BMP7: variants seen among roughly 807,000 people sequenced by gnomAD.
The protein encoded by BMP7 is osteogenic protein 1.
A neutral mutation model predicts 41.2 loss-of-function variants in BMP7; 12 were observed. The observed-to-expected ratio is 0.29, with a 90% CI of 0.19 to 0.47. BMP7 has a LOEUF of 0.47. BMP7 is among the 20% of genes least tolerant of loss of function. BMP7 has a pLI of 0.99. For synonymous variants in BMP7, 248 were observed against 250.0 expected (o/e 0.99, Z 0.07); for missense variants, 467 against 606.0 (o/e 0.77, Z 2.41).
At chr20:57,229,356 T>G (rs1402647066) in intron 1 of BMP7, among the ~76,000 whole-genome samples, 1 of 152,232 alleles carries the variant, frequency 6.6e-6, no homozygotes, top group Admixed American at 6.5e-5. Context: ...GGGTGGAGGT[T>G]GAACGTGACT....
chr20:57,197,865 G>A lies in BMP7; in HGVS notation c.760+4610C>T, dbSNP rs541217627. Among the ~76,000 whole-genome samples, 10 of 152,332 alleles carry A rather than the reference G, an allele frequency of 6.6e-5. No homozygotes were observed. The South Asian group carries it at 1.9e-3, about 28-fold the overall frequency. The stretch of plus-strand genomic sequence containing the variant: ...ACCACACAAAGGTGACTGAGGAGCT[G>A]TGCTATGACAGGGGCAGGGGTGCCA... On this transcript the variant is annotated intron_variant, in intron 3 of 6. Coordinates refer to ENST00000395863, the MANE Select transcript of BMP7 (RefSeq NM_001719.3).
Position 57,259,651 on chromosome 20 carries a change from G to A in BMP7, c.418+6054C>T, listed in dbSNP as rs150200190. Reference sequence around the variant, plus strand: ...CCACGCGGATCAGCACAGGCTTTGCGCGGCTCCCCACAATGCCTTCCGACA... The same window carrying A: ...CCACGCGGATCAGCACAGGCTTTGCACGGCTCCCCACAATGCCTTCCGACA... On this transcript the variant is annotated intron_variant, in intron 1 of 6. Transcript: ENST00000395863. This position sits in a 1 kb window ranked among gnomAD's most constrained non-coding sequence, Gnocchi z 4.7. 5.3e-4 allele frequency among the ~76,000 whole-genome samples: 81 copies of A among 152,296 alleles called. 1 individual carries two copies. The East Asian group carries it at 0.014, about 26-fold the overall frequency.
intron 1 of BMP7, among the ~76,000 whole-genome samples, chr20:57,238,842 A>C (rs2123127282): frequency 6.6e-6 from 1 of 152,234 alleles, no homozygotes; most frequent in South Asian, 2.1e-4. Context: ...CCCCTGATAA[A>C]CCCATCAGAT....
intron 3 of BMP7, among the ~76,000 whole-genome samples, chr20:57,192,672 G>A (rs1390489852): frequency 6.6e-6 from 1 of 151,174 alleles, no homozygotes; most frequent in African/African-American, 2.4e-5. Flanking sequence ...CTGTATCTTT[G>A]AGAAAGTTTG....
intron 3 of BMP7, among the ~76,000 whole-genome samples, chr20:57,200,462 G>C (rs901560130): frequency 2.0e-5 from 3 of 152,162 alleles, no homozygotes; most frequent in Non-Finnish European, 2.9e-5. Flanking sequence ...ACTGTGTCTG[G>C]GGGGAATGAT....
intron 2 of BMP7, among the ~76,000 whole-genome samples, chr20:57,212,154 A>C (rs1984904130): frequency 6.6e-6 from 1 of 152,214 alleles, no homozygotes; most frequent in Non-Finnish European, 1.5e-5. Context: ...TGGGTGAGCA[A>C]GACAAAAGAA....
intron 3 of BMP7, among the ~76,000 whole-genome samples, chr20:57,188,720 C>T (rs576018083): frequency 3.3e-5 from 5 of 152,196 alleles, no homozygotes; most frequent in South Asian, 2.1e-4. Context: ...GGATGCCTAC[C>T]GCAGTGTCTG....
intron 2 of BMP7, among the ~76,000 whole-genome samples, chr20:57,223,749 CCACAGGGTGG>C (rs1437093440): frequency 1.6e-4 from 25 of 152,368 alleles, no homozygotes; most frequent in African/African-American, 6.0e-4. Context: ...GAAGCCTCAA[CCACAGGGTGG>C]AGACATGCTC....
intron 1 of BMP7, among the ~76,000 whole-genome samples, chr20:57,258,628 T>C (rs112360534): frequency 8.4e-4 from 128 of 152,320 alleles, no homozygotes; most frequent in African/African-American, 3.0e-3. Context: ...GTTTCCCAAG[T>C]AGTAAAATCA....
At chr20:57,264,306 A>T (rs1206183931) in intron 1 of BMP7, among the ~76,000 whole-genome samples, 2 of 152,062 alleles carry the variant, frequency 1.3e-5, no homozygotes, top group East Asian at 3.9e-4. Context: ...CATTATTTCC[A>T]TGTTGACACA....
At chr20:57,253,797 A>G (rs1407586505) in intron 1 of BMP7, among the ~76,000 whole-genome samples, 1 of 152,194 alleles carries the variant, frequency 6.6e-6, no homozygotes, top group Non-Finnish European at 1.5e-5. Flanking sequence ...TTGCAAAGCT[A>G]GTACAGAGAA....
intron 3 of BMP7, among the ~76,000 whole-genome samples, chr20:57,201,189 T>A (rs60232310): frequency 0.04 from 6,026 of 152,292 alleles, 428 homozygotes; most frequent in African/African-American, 0.14. Context: ...GCACTATTTT[T>A]AAAAACTCTT....
chr20:57,233,832 G>A lies in BMP7; in HGVS notation c.419-5411C>T, dbSNP rs138620392. ...CTGCAGTATTCAGAGCCGTGGGACAGTATTTAACACCCTAAAAATTAGGGG... is the reference window on the plus strand; with the variant it reads ...CTGCAGTATTCAGAGCCGTGGGACAATATTTAACACCCTAAAAATTAGGGG... On this transcript the variant is annotated intron_variant, in intron 1 of 6. Coordinates refer to ENST00000395863, the MANE Select transcript of BMP7 (RefSeq NM_001719.3). Among the ~76,000 whole-genome samples the A allele has an allele frequency of 1.9e-3, 292 of 152,260 alleles. 2 individuals are homozygous for A. Among genetic ancestry groups the A allele is most frequent in the African/African-American group, 5.9e-3 (244 of 41,564 alleles).
intron 2 of BMP7, among the ~76,000 whole-genome samples, chr20:57,209,703 T>C (rs1984835412): frequency 6.6e-6 from 1 of 152,234 alleles, no homozygotes; most frequent in South Asian, 2.1e-4. Context: ...GGTGCCATTA[T>C]GTTAACAATT....
At chr20:57,183,687 G>A (rs1984141132) in intron 4 of BMP7, 35 bp downstream of exon 4, 2 of 1,612,246 alleles carry the variant, frequency 1.2e-6, no homozygotes, top group South Asian at 1.1e-5. Context: ...CTGGGTTCCT[G>A]TGGTGGGTCT....
intron 1 of BMP7, among the ~76,000 whole-genome samples, chr20:57,245,945 G>C (rs2066089214): frequency 6.6e-6 from 1 of 152,158 alleles, no homozygotes; most frequent in African/African-American, 2.4e-5. Context: ...GCCATGGTTA[G>C]TGATTTAACA....
rs369942621 is a variant in BMP7, at chr20:57,217,018, C to T, written c.611+11211G>A. Among the ~76,000 whole-genome samples the T allele has an allele frequency of 2.7e-3, 406 of 152,266 alleles. 4 individuals carry two copies. In the South Asian group the frequency reaches 0.038, roughly 14 times the overall value. On this transcript the variant is annotated intron_variant, in intron 2 of 6. Coordinates refer to ENST00000395863, the MANE Select transcript of BMP7 (RefSeq NM_001719.3). Reference sequence around the variant, plus strand: ...GACTAGGGCCTCAGAGATGCTTTTCCTACTGCACCGTGAGCCCCCGCATGT... The same window carrying T: ...GACTAGGGCCTCAGAGATGCTTTTCTTACTGCACCGTGAGCCCCCGCATGT...
At chr20:57,183,457 G>A (rs561183237) in intron 4 of BMP7, among the ~76,000 whole-genome samples, 3 of 152,004 alleles carry the variant, frequency 2.0e-5, no homozygotes, top group Admixed American at 6.5e-5. Flanking sequence ...TGCAAGTGCC[G>A]CCATTGTTCT....
At chr20:57,209,247 TTTTATATA>T (rs1414449541) in intron 2 of BMP7, among the ~76,000 whole-genome samples, 1,303 of 69,842 alleles carry the variant, frequency 0.019, 33 homozygotes, top group African/African-American at 0.063. Flanking sequence ...ATTTATATAT[TTTTATATA>T]TATATATATA....
Sources: gnomAD v4.1 joint callset for allele counts (sites outside exome capture counted in the v4.1 genomes callset) on GRCh38, gnomAD v4.1.1 for gene constraint, Gnocchi (gnomAD v3.1) non-coding constraint, MANE v1.5 for transcripts, NCBI Gene and HGNC (gene_info 2026-07-23, HGNC 2026-07-21) for gene names.